Variants in MGAT5B observed in about 807,000 individuals in gnomAD.
The protein encoded by MGAT5B is N-acetylglucosaminyl-transferase Vb.
A neutral mutation model predicts 95.1 loss-of-function variants in MGAT5B; 54 were observed. The ratio of observed to expected loss-of-function variants is 0.57; its 90% CI spans 0.46 to 0.71. The LOEUF is 0.71. Among genes scored for constraint, MGAT5B ranks in the 30% least tolerant of loss-of-function variants. The pLI is 0.00. For synonymous variants in MGAT5B, 464 were observed against 451.0 expected, an observed-to-expected ratio of 1.03 and a Z score of -0.36; for missense variants, 935 against 1,088.6, an observed-to-expected ratio of 0.86 and a Z score of 1.99.
At chr17:76,887,899 C>T (rs1234731191) in intron 3 of MGAT5B, among the ~76,000 whole-genome samples, 2 of 151,978 alleles carry the variant, frequency 1.3e-5, no homozygotes, top group Non-Finnish European at 2.9e-5. Context: ...CCAGGTCCCT[C>T]CTCTACTCCC....
At position 76,914,048 on chromosome 17, in the gene MGAT5B, C is replaced by T. The variant is rs1968839343; in HGVS notation, c.1025+7861C>T. 6.6e-6 allele frequency: 2 copies of T among 304,760 alleles called. No individual in the cohort carries two copies. The highest frequency in any genetic ancestry group is 2.2e-5 in the African/African-American group (1 of 45,726). The allele number at this position is 304,760 out of a possible 1,614,324, so 18.9% of individuals were successfully genotyped here. On this transcript the variant is annotated intron_variant, in intron 8 of 17. Transcript: ENST00000569840. This position sits in a 1 kb window ranked among gnomAD's most constrained non-coding sequence, Gnocchi z 5.1. ...CCTGGGAAGTCGAGGCTACAGTCAG[C>T]CGTGATCATGCTACTGCACTCTAGC...
chr17:76,932,085 TCC>T (rs34615968), intron 10 of MGAT5B, among the ~76,000 whole-genome samples: 43,258 of 121,960 alleles, frequency 0.35, 7,578 homozygotes, highest in Admixed American at 0.43. Context: ...CTCCTCCTCC[TCC>T]CCCCCCCCTT....
chr17:76,931,798 A>G (rs1299269782), intron 10 of MGAT5B, among the ~76,000 whole-genome samples: 1 of 152,244 alleles, frequency 6.6e-6, no homozygotes, highest in Non-Finnish European at 1.5e-5. Flanking sequence ...GCCGGGGTGC[A>G]GTCACGGAGA....
intron 3 of MGAT5B, among the ~76,000 whole-genome samples, chr17:76,899,400 T>G (rs192910452): frequency 6.6e-6 from 1 of 152,282 alleles, no homozygotes; most frequent in Admixed American, 6.5e-5. Context: ...TCCCAGCACT[T>G]TCAGAGACTG....
At chr17:76,875,452 A>G (rs1967151912) in intron 2 of MGAT5B, among the ~76,000 whole-genome samples, 1 of 152,064 alleles carries the variant, frequency 6.6e-6, no homozygotes, top group Non-Finnish European at 1.5e-5. Flanking sequence ...CCATGATTGT[A>G]AGTTTCCTGA....
In MGAT5B at chr17:76,902,670, G is replaced by C; in HGVS notation, c.445G>C (p.Val149Leu). ...LRHSLLLHSK[V>L]SEGRRDQCEA... ...CCACAGTCTGCTCCTGCACAGCAAG[G>C]GTGGGTGCCAGGGGGCGGGGGTACC... Residue 149 changes from valine (V) to leucine (L), a missense_variant and splice_region_variant, in exon 4 of 18, where the codon GTG becomes CTG. This residue lies in a region of MGAT5B where 243 missense variants were observed against 228.2 expected (regional missense o/e 1.06). Transcript: ENST00000569840. 1.3e-6 allele frequency: 2 copies of C among 1,579,946 alleles called. No homozygotes were observed. Among genetic ancestry groups the C allele is most frequent in the South Asian group, 1.2e-5 (1 of 86,486 alleles).
At chr17:76,888,769 C>A (rs1967758993) in intron 3 of MGAT5B, among the ~76,000 whole-genome samples, 1 of 152,294 alleles carries the variant, frequency 6.6e-6, no homozygotes, top group African/African-American at 2.4e-5. Context: ...TAGTGACCTG[C>A]CACTGGCCAC....
In MGAT5B at chr17:76,905,306, G is replaced by A; in HGVS notation, c.828G>A (p.Leu276=). 5 of 1,600,610 alleles carry A rather than the reference G, an allele frequency of 3.1e-6. No individual in the cohort carries two copies. The highest frequency in any genetic ancestry group is 1.1e-5 in the South Asian group (1 of 90,540). The stretch of plus-strand genomic sequence containing the variant: ...CTGCCCAGCGCCTGGCACAGAAGCT[G>A]GGGGCCACCCAGAGGGACCAGAAGC... ...ALAAQRLAQK[L]GATQRDQKQI... The change falls in exon 7 of 18, where the codon CTG becomes CTA. Residue 276 remains leucine, a synonymous_variant. Transcript: ENST00000569840. The surrounding 1 kb of genome is among the most constrained non-coding windows in gnomAD (Gnocchi z 4.2).
chr17:76,909,442 T>C (rs1968652109), intron 8 of MGAT5B, among the ~76,000 whole-genome samples: 1 of 152,240 alleles, frequency 6.6e-6, no homozygotes. Context: ...CATTAACTTC[T>C]ACACAGGTGG....
chr17:76,921,515 GC>G (rs1481817535), intron 8 of MGAT5B, among the ~76,000 whole-genome samples: 1 of 152,158 alleles, frequency 6.6e-6, no homozygotes, highest in Non-Finnish European at 1.5e-5. Flanking sequence ...ATGGGGTGAG[GC>G]CTGACTGCCC....
intron 11 of MGAT5B, 74 bp from the exon 12 acceptor site, chr17:76,933,218 G>A: frequency 6.3e-7 from 1 of 1,587,598 alleles, no homozygotes; most frequent in Non-Finnish European, 8.5e-7. Flanking sequence ...GCCTGCATGG[G>A]GTGTTGTCTG....
intron 15 of MGAT5B, among the ~76,000 whole-genome samples, chr17:76,944,785 G>A (rs1361247569): frequency 6.6e-6 from 1 of 152,240 alleles, no homozygotes; most frequent in Non-Finnish European, 1.5e-5. Context: ...AGAGGCCCCA[G>A]GACGAGTCTC....
chr17:76,948,527 TG>T, intron 17 of MGAT5B, 112 bp from the exon 18 acceptor site: 1 of 1,101,754 alleles, frequency 9.1e-7, no homozygotes, highest in Non-Finnish European at 1.3e-6. Flanking sequence ...TGGGATGGGA[TG>T]GGCCAGAGAA....
In MGAT5B at chr17:76,885,952, A is replaced by T. The variant is rs1273791476; in HGVS notation, c.329+3654A>T. On this transcript the variant is annotated intron_variant, in intron 3 of 17. Transcript: ENST00000569840. ...CCCACTTAGAAATTTCCTGTGGCTTAAAAAAAACACGTCCCCTGTTCTTCC... is the reference window on the plus strand; with the variant it reads ...CCCACTTAGAAATTTCCTGTGGCTTTAAAAAAACACGTCCCCTGTTCTTCC... Among the ~76,000 whole-genome samples, 3 of 50,860 alleles carry T rather than the reference A, an allele frequency of 5.9e-5. No individual in the cohort carries two copies. In the African/African-American group the frequency reaches 3.0e-3, roughly 50 times the overall value. The allele number at this position is 50,860 out of a possible 152,430, so 33.4% of individuals were successfully genotyped here.
chr17:76,895,140 T>A (rs1024179502), intron 3 of MGAT5B, among the ~76,000 whole-genome samples: 1 of 152,094 alleles, frequency 6.6e-6, no homozygotes, highest in Admixed American at 6.6e-5. Context: ...TAGATTCTTA[T>A]AGGCGTGAAA....
At chr17:76,904,517 CTG>C (rs761230514) in intron 6 of MGAT5B, 95 bp downstream of exon 6, 8 of 1,364,808 alleles carry the variant, frequency 5.9e-6, no homozygotes, top group African/African-American at 1.4e-5. Flanking sequence ...GGGAATGAGA[CTG>C]AGCTGCTTGC....
chr17:76,913,032 G>A (rs1465043707), intron 8 of MGAT5B, among the ~76,000 whole-genome samples: 2 of 152,212 alleles, frequency 1.3e-5, no homozygotes, highest in Admixed American at 6.5e-5. Flanking sequence ...ATCCATGAGT[G>A]AAATTGGGTT....
At chr17:76,880,291 C>T (rs1047122339) in intron 2 of MGAT5B, among the ~76,000 whole-genome samples, 4 of 152,058 alleles carry the variant, frequency 2.6e-5, no homozygotes, top group Non-Finnish European at 4.4e-5. Flanking sequence ...CTAGCCTGGC[C>T]GGCATTTCCA....
At chr17:76,945,198 T>C (rs1442275860) in intron 15 of MGAT5B, among the ~76,000 whole-genome samples, 1 of 152,104 alleles carries the variant, frequency 6.6e-6, no homozygotes, top group African/African-American at 2.4e-5. Context: ...TACTCCTCTG[T>C]CACTCTTCCC....
Sources: gnomAD v4.1 joint callset for allele counts (sites outside exome capture counted in the v4.1 genomes callset) on GRCh38, gnomAD v4.1.1 for gene constraint, gnomAD v4.1.1 regional missense constraint, Gnocchi (gnomAD v3.1) non-coding constraint, MANE v1.5 for transcripts, NCBI Gene and HGNC (gene_info 2026-07-23, HGNC 2026-07-21) for gene names.